The following CENPW variants were observed in gnomAD, a reference collection of about 807,000 sequenced individuals.
The protein encoded by CENPW is centromere protein W.
A neutral mutation model predicts 11.1 loss-of-function variants in CENPW; 3 were observed. That is an observed-to-expected ratio of 0.27 (90% CI 0.12 to 0.70). The LOEUF is 0.70. CENPW is among the 30% of genes least tolerant of loss of function. The pLI, the probability that CENPW is intolerant of heterozygous loss-of-function variation, is 0.77. For synonymous variants in CENPW, 38 were observed against 42.0 expected, an observed-to-expected ratio of 0.91 and a Z score of 0.37; for missense variants, 100 against 105.6, an observed-to-expected ratio of 0.95 and a Z score of 0.23.
intron 1 of CENPW, among the ~76,000 whole-genome samples, chr6:126,341,667 A>G (rs998417265): frequency 6.6e-6 from 1 of 152,246 alleles, no homozygotes; most frequent in African/African-American, 2.4e-5. Flanking sequence ...TAGAGGTGGC[A>G]CAAATGAACG....
the CENPW span, among the ~76,000 whole-genome samples, chr6:126,377,409 C>T: frequency 6.6e-6 from 1 of 152,114 alleles, no homozygotes; most frequent in African/African-American, 2.4e-5. Context: ...TTATTTTAGA[C>T]CTTGGCAAAA....
chr6:126,403,904 G>C, the CENPW span, among the ~76,000 whole-genome samples: 7 of 152,210 alleles, frequency 4.6e-5, no homozygotes, highest in African/African-American at 1.7e-4. Flanking sequence ...GAGAGGAGAA[G>C]ATAATGCCTG....
At chr6:126,406,582 A>G in the CENPW span, among the ~76,000 whole-genome samples, 1 of 152,156 alleles carries the variant, frequency 6.6e-6, no homozygotes, top group Non-Finnish European at 1.5e-5. Flanking sequence ...GGCCAGGCAC[A>G]GTGGCTCATG....
At chr6:126,355,127 C>T in the CENPW span, among the ~76,000 whole-genome samples, 20 of 151,882 alleles carry the variant, frequency 1.3e-4, no homozygotes, top group African/African-American at 3.4e-4. Context: ...AAAAGTGTTC[C>T]AGGAGGCAAA....
At chr6:126,358,103 G>A in the CENPW span, among the ~76,000 whole-genome samples, 1 of 152,130 alleles carries the variant, frequency 6.6e-6, no homozygotes, top group Non-Finnish European at 1.5e-5. Flanking sequence ...GTCACTTATA[G>A]GAGCCTTTTG....
the CENPW span, among the ~76,000 whole-genome samples, chr6:126,420,612 T>G: frequency 1.2e-3 from 190 of 152,230 alleles, 1 homozygote; most frequent in African/African-American, 4.3e-3. Flanking sequence ...TATTTGCTGG[T>G]TGGTCTTTTA....
At chr6:126,402,868 G>A in the CENPW span, among the ~76,000 whole-genome samples, 1 of 151,902 alleles carries the variant, frequency 6.6e-6, no homozygotes, top group African/African-American at 2.4e-5. Flanking sequence ...ACTTTATTGT[G>A]TATCACAGAT....
At chr6:126,364,124 G>A in the CENPW span, among the ~76,000 whole-genome samples, 2 of 152,282 alleles carry the variant, frequency 1.3e-5, no homozygotes, top group Middle Eastern at 6.8e-3. Context: ...GTAATTTACT[G>A]TAAGCAATAC....
the CENPW span, among the ~76,000 whole-genome samples, chr6:126,364,074 G>C: frequency 6.6e-6 from 1 of 152,092 alleles, no homozygotes; most frequent in Non-Finnish European, 1.5e-5. Context: ...GAGTTTGACA[G>C]GCTATAGTGA....
At chr6:126,401,109 T>C in the CENPW span, among the ~76,000 whole-genome samples, 1 of 152,162 alleles carries the variant, frequency 6.6e-6, no homozygotes. Context: ...AATTTTTGTC[T>C]GATAGCCAGA....
the CENPW span, among the ~76,000 whole-genome samples, chr6:126,409,408 A>T: frequency 6.6e-6 from 1 of 152,092 alleles, no homozygotes; most frequent in South Asian, 2.1e-4. Context: ...CAGCTGTTGG[A>T]TGAAATGCTT....
the CENPW span, among the ~76,000 whole-genome samples, chr6:126,393,114 A>G: frequency 6.6e-6 from 1 of 151,888 alleles, no homozygotes; most frequent in African/African-American, 2.4e-5. Flanking sequence ...TGATCCTTTG[A>G]ATTTCTGTAG....
At chr6:126,367,298 A>G in the CENPW span, among the ~76,000 whole-genome samples, 1 of 152,160 alleles carries the variant, frequency 6.6e-6, no homozygotes, top group South Asian at 2.1e-4. Flanking sequence ...CCCAGATAGT[A>G]TACATTGTCT....
the CENPW span, among the ~76,000 whole-genome samples, chr6:126,382,724 A>C: frequency 6.6e-6 from 1 of 152,152 alleles, no homozygotes; most frequent in Non-Finnish European, 1.5e-5. Flanking sequence ...GAAATAAGAT[A>C]GTTAACAAGA....
At chr6:126,363,689 T>C in the CENPW span, among the ~76,000 whole-genome samples, 1 of 152,214 alleles carries the variant, frequency 6.6e-6, no homozygotes, top group South Asian at 2.1e-4. Flanking sequence ...GTAAGTCCAA[T>C]AGCAACAGCC....
the CENPW span, among the ~76,000 whole-genome samples, chr6:126,421,441 ACT>A: frequency 6.6e-6 from 1 of 151,950 alleles, no homozygotes; most frequent in Non-Finnish European, 1.5e-5. Context: ...TAAATGGCAA[ACT>A]CTAATGTGCC....
chr6:126,420,787 T>G, the CENPW span, among the ~76,000 whole-genome samples: 9 of 152,150 alleles, frequency 5.9e-5, no homozygotes, highest in Non-Finnish European at 1.3e-4. Flanking sequence ...GAAAGATGCT[T>G]AAGAGAAAAT....
chr6:126,407,229 C>T, the CENPW span, among the ~76,000 whole-genome samples: 2 of 152,136 alleles, frequency 1.3e-5, no homozygotes, highest in Non-Finnish European at 2.9e-5. Context: ...ATAATGGCTT[C>T]CAGCTCCATC....
the CENPW span, among the ~76,000 whole-genome samples, chr6:126,476,594 AC>A: frequency 6.6e-6 from 1 of 151,884 alleles, no homozygotes. Context: ...TTTTGTTAGA[AC>A]CCTATTTCTA....
Sources: allele counts gnomAD v4.1 joint callset (sites outside exome capture counted in the v4.1 genomes callset), GRCh38; gene constraint gnomAD v4.1.1; transcripts MANE v1.5; gene names NCBI Gene and HGNC (gene_info 2026-07-23, HGNC 2026-07-21).